TMOD1: variants seen among roughly 807,000 people sequenced by gnomAD.
The protein encoded by TMOD1 is tropomodulin-1.
Under a neutral mutation model 40.6 loss-of-function variants are expected in TMOD1, and 17 were observed. The ratio of observed to expected loss-of-function variants is 0.42; its 90% CI spans 0.29 to 0.63. The LOEUF (loss-of-function observed/expected upper bound fraction) is 0.63. Among genes scored for constraint, TMOD1 ranks in the 20% least tolerant of loss-of-function variants. TMOD1 has a pLI of 0.22. For synonymous variants in TMOD1, 181 were observed against 175.0 expected, an observed-to-expected ratio of 1.03 and a Z score of -0.27; for missense variants, 391 against 447.6, an observed-to-expected ratio of 0.87 and a Z score of 1.14.
At position 97,591,342 on chromosome 9, in the gene TMOD1, A is replaced by G; in HGVS notation, c.922A>G (p.Lys308Glu). 6.2e-7 allele frequency: 1 copy of G among 1,614,194 alleles called. No individual in the cohort carries two copies. Among genetic ancestry groups the G allele is most frequent in the African/African-American group, 1.3e-5 (1 of 75,030 alleles). Residue 308 changes from lysine to glutamate, a missense_variant, in exon 9 of 10, where the codon AAA becomes GAA. By Grantham distance (56) the Lys-to-Glu change is moderately conservative (BLOSUM62 1). Coordinates refer to ENST00000259365, the MANE Select transcript of TMOD1 (RefSeq NM_003275.4). ...AATGGAGATTGTGAGCATGTTGGAA[A>G]AAAACGCAACACTTCTCAAATTCGG... ...VEMEIVSMLE[K>E]NATLLKFGYH...
intron 4 of TMOD1, among the ~76,000 whole-genome samples, chr9:97,561,020 C>T (rs1252904296): frequency 2.0e-5 from 3 of 152,176 alleles, no homozygotes; most frequent in Non-Finnish European, 1.5e-5. Context: ...AGTGCAACAA[C>T]ACTGGTGAGG....
intron 1 of TMOD1, among the ~76,000 whole-genome samples, chr9:97,503,640 C>T (rs1829540477): frequency 6.6e-6 from 1 of 152,160 alleles, no homozygotes; most frequent in African/African-American, 2.4e-5. Flanking sequence ...CTAAAAATAG[C>T]CTCCGCCCCA....
intron 1 of TMOD1, chr9:97,517,865 A>C (rs551060798): frequency 1.4e-4 from 21 of 152,706 alleles, no homozygotes; most frequent in African/African-American, 5.1e-4. Context: ...GGACAGGCTC[A>C]TGGGAGGACA....
At chr9:97,587,605 G>A (rs1044283034) in intron 8 of TMOD1, among the ~76,000 whole-genome samples, 5 of 151,278 alleles carry the variant, frequency 3.3e-5, no homozygotes, top group Middle Eastern at 3.4e-3. Context: ...TAATTGACAC[G>A]TACTTCACAC....
Position 97,553,351 on chromosome 9 carries a change from G to A in TMOD1, c.348G>A (p.Leu116=). Residue 116 remains leucine (L), a synonymous_variant, in exon 4 of 10, where the codon CTG becomes CTA. Transcript: ENST00000259365. The part of the protein sequence containing the change: ...VLESVTLEPE[L]EEALANASDA... ...AAAGTGTGACGCTGGAACCGGAGCT[G>A]GAGGAAGCCTTGGCAAATGCTTCAG... 1 of 1,614,224 alleles carries A rather than the reference G, an allele frequency of 6.2e-7. No individual in the cohort carries two copies.
chr9:97,596,298 G>T (rs1463577624), intron 9 of TMOD1, among the ~76,000 whole-genome samples: 1 of 152,018 alleles, frequency 6.6e-6, no homozygotes, highest in Non-Finnish European at 1.5e-5. Flanking sequence ...CTCATCCCAA[G>T]TCTCCTTCCG....
chr9:97,506,433 C>A (rs1016081919), intron 1 of TMOD1, among the ~76,000 whole-genome samples: 1 of 152,158 alleles, frequency 6.6e-6, no homozygotes, highest in Non-Finnish European at 1.5e-5. Context: ...TGAATGAATG[C>A]ATGAAATAAA....
chr9:97,559,898 A>G (rs1338342109), intron 4 of TMOD1, among the ~76,000 whole-genome samples: 1 of 142,236 alleles, frequency 7.0e-6, no homozygotes, highest in African/African-American at 2.7e-5. Context: ...AGGCACTGAT[A>G]TGGTCTTAAA....
intron 2 of TMOD1, among the ~76,000 whole-genome samples, chr9:97,538,118 C>G (rs898263341): frequency 2.6e-5 from 4 of 152,166 alleles, no homozygotes; most frequent in Non-Finnish European, 5.9e-5. Context: ...CATGAACGCT[C>G]TAGTATGCCC....
At chr9:97,514,066 AT>A (rs199672940) in intron 1 of TMOD1, among the ~76,000 whole-genome samples, 100 of 145,870 alleles carry the variant, frequency 6.9e-4, no homozygotes, top group Non-Finnish European at 5.3e-4. Context: ...ACTGTCTTAA[AT>A]TTTTTTTTTT....
At chr9:97,531,032 C>T (rs1830091956) in intron 2 of TMOD1, among the ~76,000 whole-genome samples, 1 of 97,206 alleles carries the variant, frequency 1.0e-5, no homozygotes, top group South Asian at 3.7e-4. Flanking sequence ...AGGTGATCCA[C>T]ACCCACCCCC....
At chr9:97,597,611 T>C (rs191830810) in intron 9 of TMOD1, among the ~76,000 whole-genome samples, 15 of 142,964 alleles carry the variant, frequency 1.0e-4, no homozygotes, top group Non-Finnish European at 1.5e-4. Flanking sequence ...GGCAGGACAA[T>C]TGCTTGAACT....
chr9:97,509,764 C>T (rs964595332), intron 1 of TMOD1, among the ~76,000 whole-genome samples: 3 of 152,194 alleles, frequency 2.0e-5, no homozygotes, highest in African/African-American at 7.2e-5. Context: ...TGTGAGGACA[C>T]TGGTCTCCCC....
chr9:97,501,361 C>CA (rs1228517297), upstream of TMOD1: 1 of 152,236 alleles, frequency 6.6e-6, no homozygotes, highest in Non-Finnish European at 1.5e-5. Flanking sequence ...CACAGGAATG[C>CA]AAATCTGCCC....
chr9:97,599,816 C>T lies in TMOD1; in HGVS notation c.*118C>T. Reference sequence around the variant, plus strand: ...CATGAAACCCTTTTGTGGTTCAGTTCTTTATGCACTAAGGTTTTAGGTTGA... The same window carrying T: ...CATGAAACCCTTTTGTGGTTCAGTTTTTTATGCACTAAGGTTTTAGGTTGA... On this transcript the variant is annotated 3_prime_UTR_variant, in exon 10 of 10. Coordinates refer to ENST00000259365, the MANE Select transcript of TMOD1 (RefSeq NM_003275.4). 1 of 1,559,812 alleles carries T rather than the reference C, an allele frequency of 6.4e-7. No homozygotes were observed. The highest frequency in any genetic ancestry group is 2.3e-5 in the East Asian group (1 of 43,250).
chr9:97,562,919 T>C (rs555148707), intron 5 of TMOD1, 98 bp downstream of exon 5: 10 of 925,974 alleles, frequency 1.1e-5, no homozygotes, highest in South Asian at 1.7e-5. Flanking sequence ...ACATGTTATA[T>C]AGCCAAATCT....
Position 97,553,353 on chromosome 9 carries a change from A to G in TMOD1, c.350A>G (p.Glu117Gly). ...AGTGTGACGCTGGAACCGGAGCTGG[A>G]GGAAGCCTTGGCAAATGCTTCAGAT... Reference protein sequence around the residue: ...LESVTLEPELEEALANASDAE... With the variant: ...LESVTLEPELGEALANASDAE... Residue 117 changes from glutamate (E) to glycine (G), a missense_variant, in exon 4 of 10, where the codon GAG becomes GGG. Coordinates refer to ENST00000259365, the MANE Select transcript of TMOD1 (RefSeq NM_003275.4). 6.2e-7 allele frequency: 1 copy of G among 1,614,234 alleles called. No individual in the cohort carries two copies. Among genetic ancestry groups the G allele is most frequent in the Non-Finnish European group, 8.5e-7 (1 of 1,180,038 alleles).
At chr9:97,531,392 C>T (rs991736733) in intron 2 of TMOD1, among the ~76,000 whole-genome samples, 7 of 152,096 alleles carry the variant, frequency 4.6e-5, no homozygotes, top group Non-Finnish European at 7.4e-5. Context: ...AGGCGGATCA[C>T]TTGAGGTCAG....
rs1248844133 is a variant in TMOD1, at chr9:97,514,366, C to T, written c.-48-9775C>T. On this transcript the variant is annotated intron_variant, in intron 1 of 9. Coordinates refer to ENST00000259365, the MANE Select transcript of TMOD1 (RefSeq NM_003275.4). ...CTCTTGACCTCAAGTGATCCGTCCG[C>T]CTTGGCCTCCTAAAGTGTTGGGATT... Among the ~76,000 whole-genome samples the T allele has an allele frequency of 2.0e-5, 3 of 151,756 alleles. No individual in the cohort carries two copies. In the East Asian group the frequency reaches 5.8e-4, roughly 29 times the overall value.
Sources: gnomAD v4.1 joint callset for allele counts (sites outside exome capture counted in the v4.1 genomes callset) on GRCh38, gnomAD v4.1.1 for gene constraint, MANE v1.5 for transcripts, NCBI Gene and HGNC (gene_info 2026-07-23, HGNC 2026-07-21) for gene names.